ITFG1: variants seen among roughly 807,000 people sequenced by gnomAD.
ITFG1 encodes the protein T-cell immunomodulatory protein.
ITFG1 carries 34 observed loss-of-function variants against 81.8 expected under a neutral mutation model. The observed-to-expected ratio is 0.42, with a 90% confidence interval of 0.32 to 0.55. The LOEUF (loss-of-function observed/expected upper bound fraction) is 0.55, where lower values mean the gene tolerates loss of function less well. Among genes scored for constraint, ITFG1 ranks in the 20% least tolerant of loss-of-function variants. The pLI is 0.17. For synonymous variants in ITFG1, 285 were observed against 270.6 expected (o/e 1.05, Z -0.52); for missense variants, 672 against 755.4 (o/e 0.89, Z 1.29).
chr16:47,370,392 AC>A (rs1436264556), intron 7 of ITFG1, among the ~76,000 whole-genome samples: 1 of 152,058 alleles, frequency 6.6e-6, no homozygotes, highest in African/African-American at 2.4e-5. Flanking sequence ...AAAACCCCAG[AC>A]CCAGCCACAC....
intron 8 of ITFG1, among the ~76,000 whole-genome samples, chr16:47,334,785 T>C (rs1358034941): frequency 6.6e-6 from 1 of 152,230 alleles, no homozygotes; most frequent in Admixed American, 6.5e-5. Flanking sequence ...TTACTCTCTA[T>C]ACATGCAAAT....
intron 8 of ITFG1, among the ~76,000 whole-genome samples, chr16:47,348,194 G>C (rs2151580128): frequency 6.6e-6 from 1 of 152,306 alleles, no homozygotes; most frequent in African/African-American, 2.4e-5. Context: ...ACCAGCAACG[G>C]AACAAAGCTG....
chr16:47,163,831 T>C (rs1314877969), intron 14 of ITFG1, among the ~76,000 whole-genome samples: 3 of 151,928 alleles, frequency 2.0e-5, no homozygotes, highest in Non-Finnish European at 4.4e-5. Flanking sequence ...TGGTATCTCA[T>C]TATGGTTTTT....
rs186030876 is a variant in ITFG1 at position 47,421,599 on chromosome 16, G to A, written c.655+7205C>T. On this transcript the variant is annotated intron_variant, in intron 6 of 17. Transcript: ENST00000320640. ...ATTACAGGGGTGAGCCACCATGCCCGGACTAGCCAGTCTATATTTTTAAGT... is the reference window on the plus strand; with the variant it reads ...ATTACAGGGGTGAGCCACCATGCCCAGACTAGCCAGTCTATATTTTTAAGT... Among the ~76,000 whole-genome samples the A allele has an allele frequency of 1.4e-4, 22 of 152,146 alleles. No homozygotes were observed. The East Asian group carries it at 2.7e-3, about 19-fold the overall frequency.
intron 5 of ITFG1, chr16:47,449,690 T>C (rs924196496): frequency 1.3e-5 from 2 of 152,102 alleles, no homozygotes; most frequent in Non-Finnish European, 2.9e-5. Context: ...GACCAGAATA[T>C]AACATATAAA....
At chr16:47,459,202 G>GA (rs1429325003) in intron 1 of ITFG1, 27 bp from the exon 2 acceptor site, 1 of 1,429,978 alleles carries the variant, frequency 7.0e-7, no homozygotes, top group Non-Finnish European at 9.9e-7. Context: ...TATGATATTA[G>GA]AAAAATGTTT....
At chr16:47,315,886 G>A (rs1477397000) in intron 8 of ITFG1, among the ~76,000 whole-genome samples, 1 of 151,978 alleles carries the variant, frequency 6.6e-6, no homozygotes, top group Non-Finnish European at 1.5e-5. Flanking sequence ...CCACTCCTGG[G>A]TTCAAGCAAT....
At chr16:47,366,762 T>C (rs1192080501) in intron 7 of ITFG1, among the ~76,000 whole-genome samples, 2 of 152,164 alleles carry the variant, frequency 1.3e-5, no homozygotes, top group African/African-American at 4.8e-5. Flanking sequence ...TCTGTATACT[T>C]TAAAATGAGT....
intron 10 of ITFG1, among the ~76,000 whole-genome samples, chr16:47,302,986 G>A (rs1256136711): frequency 6.6e-6 from 1 of 152,120 alleles, no homozygotes; most frequent in East Asian, 1.9e-4. Flanking sequence ...AAAAATAGAC[G>A]ATAGGCTGGG....
At chr16:47,350,965 C>T (rs1170444580) in intron 8 of ITFG1, among the ~76,000 whole-genome samples, 2 of 150,670 alleles carry the variant, frequency 1.3e-5, no homozygotes, top group African/African-American at 2.4e-5. Context: ...GACAAAACCA[C>T]GTCATTTCAA....
chr16:47,156,702 T>A (rs1964715535), intron 17 of ITFG1, among the ~76,000 whole-genome samples: 2 of 152,060 alleles, frequency 1.3e-5, no homozygotes, highest in African/African-American at 4.8e-5. Flanking sequence ...CATTTGAAAG[T>A]ATGGAAATGG....
At chr16:47,160,643 A>G (rs367878608) in intron 16 of ITFG1, among the ~76,000 whole-genome samples, 7 of 152,176 alleles carry the variant, frequency 4.6e-5, no homozygotes, top group Non-Finnish European at 7.4e-5. Flanking sequence ...TATTCCAAGC[A>G]TAAGGCTGTG....
At chr16:47,268,629 G>A (rs1057322060) in intron 10 of ITFG1, among the ~76,000 whole-genome samples, 1 of 152,174 alleles carries the variant, frequency 6.6e-6, no homozygotes, top group Admixed American at 6.5e-5. Context: ...CAATAATACA[G>A]TCAGATCTTG....
chr16:47,251,426 T>C (rs1021132807), intron 12 of ITFG1, among the ~76,000 whole-genome samples: 2 of 152,130 alleles, frequency 1.3e-5, no homozygotes, highest in Admixed American at 6.5e-5. Flanking sequence ...GGCAGAAGTA[T>C]ATAGTGACCC....
chr16:47,451,539 A>G, intron 4 of ITFG1, 69 bp from the exon 5 acceptor site: 1 of 847,686 alleles, frequency 1.2e-6, no homozygotes, highest in South Asian at 1.5e-5. Context: ...CTTTAAAAGA[A>G]GCAGTAACTT....
intron 5 of ITFG1, among the ~76,000 whole-genome samples, chr16:47,435,088 T>C (rs1357176708): frequency 1.3e-5 from 2 of 152,094 alleles, no homozygotes; most frequent in Non-Finnish European, 2.9e-5. Flanking sequence ...CCGAGCTTAA[T>C]ACCTAGGTGA....
chr16:47,181,929 A>G (rs1965129797), intron 14 of ITFG1, among the ~76,000 whole-genome samples: 1 of 152,292 alleles, frequency 6.6e-6, no homozygotes, highest in East Asian at 1.9e-4. Flanking sequence ...CACTCAGGTT[A>G]AATGGATTAA....
chr16:47,392,765 A>T lies in ITFG1; in HGVS notation c.656-16825T>A, dbSNP rs372934915. 1.1e-4 allele frequency among the ~76,000 whole-genome samples: 17 copies of T among 152,368 alleles called. No homozygotes were observed. The East Asian group carries it at 2.5e-3, about 22-fold the overall frequency. ...ACAATGCTCTGTTGTAAGGGGCTTAATAAATCTTAGCTTCTTTGAGGTGCT... is the reference window on the plus strand; with the variant it reads ...ACAATGCTCTGTTGTAAGGGGCTTATTAAATCTTAGCTTCTTTGAGGTGCT... On this transcript the variant is annotated intron_variant, in intron 6 of 17. Coordinates refer to ENST00000320640, the MANE Select transcript of ITFG1 (RefSeq NM_030790.5).
chr16:47,432,511 T>C (rs2151610900), intron 5 of ITFG1, among the ~76,000 whole-genome samples: 1 of 152,350 alleles, frequency 6.6e-6, no homozygotes, highest in East Asian at 1.9e-4. Context: ...AATAGCCTTC[T>C]ACACATATTT....
Sources: gnomAD v4.1 joint callset for allele counts (sites outside exome capture counted in the v4.1 genomes callset) on GRCh38, gnomAD v4.1.1 for gene constraint, MANE v1.5 for transcripts, NCBI Gene and HGNC (gene_info 2026-07-23, HGNC 2026-07-21) for gene names.